SCAPER: variants seen among roughly 807,000 people sequenced by gnomAD.
SCAPER encodes the protein S phase cyclin A-associated protein in the endoplasmic reticulum.
A neutral mutation model predicts 182.2 loss-of-function variants in SCAPER; 98 were observed. The observed-to-expected ratio is 0.54, with a 90% CI of 0.46 to 0.64. SCAPER has a LOEUF of 0.64. Ranked by LOEUF, SCAPER falls within the 30% of genes least tolerant of loss-of-function variation. The pLI, the probability that SCAPER is intolerant of heterozygous loss-of-function variation, is 0.00. For missense variants in SCAPER, 1,432 were observed against 1,690.0 expected (o/e 0.85, Z 2.68); for synonymous variants, 605 against 564.6 (o/e 1.07, Z -1.01).
At chr15:76,609,506 A>C (rs914115126) in intron 22 of SCAPER, among the ~76,000 whole-genome samples, 1 of 152,128 alleles carries the variant, frequency 6.6e-6, no homozygotes, top group African/African-American at 2.4e-5. Context: ...CACTTAAAAA[A>C]AAAATTATCT....
At chr15:76,644,001 T>C (rs1806941068) in intron 21 of SCAPER, among the ~76,000 whole-genome samples, 1 of 152,210 alleles carries the variant, frequency 6.6e-6, no homozygotes, top group African/African-American at 2.4e-5. Context: ...CCATGTTTCA[T>C]GATTTGATTC....
At chr15:76,521,402 C>T (rs1037907673) in intron 23 of SCAPER, among the ~76,000 whole-genome samples, 2 of 151,226 alleles carry the variant, frequency 1.3e-5, no homozygotes, top group Admixed American at 1.3e-4. Context: ...AAAAAAAAAC[C>T]CCAAATAATT....
intron 23 of SCAPER, among the ~76,000 whole-genome samples, chr15:76,552,598 G>A (rs2144978114): frequency 6.6e-6 from 1 of 152,240 alleles, no homozygotes; most frequent in East Asian, 1.9e-4. Flanking sequence ...CTAGCTGCAG[G>A]AGAACTCATG....
intron 4 of SCAPER, among the ~76,000 whole-genome samples, chr15:76,848,981 A>G (rs947534981): frequency 6.6e-6 from 1 of 152,196 alleles, no homozygotes; most frequent in Non-Finnish European, 1.5e-5. Context: ...GGCATACGAC[A>G]GCCCCTTGGC....
chr15:76,473,953 A>G (rs1001926735), intron 24 of SCAPER, among the ~76,000 whole-genome samples: 2 of 152,058 alleles, frequency 1.3e-5, no homozygotes, highest in Non-Finnish European at 2.9e-5. Flanking sequence ...CAAGGATTAC[A>G]CGCGTGTGCC....
At chr15:76,362,416 T>A (rs558891964) in intron 29 of SCAPER, among the ~76,000 whole-genome samples, 1,618 of 114,392 alleles carry the variant, frequency 0.014, 38 homozygotes, top group African/African-American at 0.057. Flanking sequence ...TTGCTCCCTC[T>A]TTTTTTTTTT....
At chr15:76,507,301 G>C (rs1222853484) in intron 23 of SCAPER, among the ~76,000 whole-genome samples, 8 of 152,120 alleles carry the variant, frequency 5.3e-5, no homozygotes, top group Non-Finnish European at 1.2e-4. Flanking sequence ...GCCAAGGAGA[G>C]AGGTGTCAGG....
At chr15:76,595,439 G>C (rs1181122086) in intron 22 of SCAPER, among the ~76,000 whole-genome samples, 1 of 121,624 alleles carries the variant, frequency 8.2e-6, no homozygotes, top group African/African-American at 2.5e-5. Context: ...TTCAGGACTT[G>C]AACTTGGCTC....
intron 22 of SCAPER, among the ~76,000 whole-genome samples, chr15:76,583,809 C>T (rs1002255161): frequency 1.3e-5 from 2 of 152,180 alleles, no homozygotes; most frequent in Non-Finnish European, 2.9e-5. Context: ...CCCTCATGCA[C>T]TGTTGGTGGG....
rs60823353 is a variant in SCAPER at position 76,394,860 on chromosome 15, C to T, written c.3467+9664G>A. On this transcript the variant is annotated intron_variant, in intron 27 of 31. Coordinates refer to ENST00000563290, the MANE Select transcript of SCAPER (RefSeq NM_020843.4). ...GTGTTACAAACTATCCAATTATATT[C>T]TTTTAGTTATTTTAAAATGTACAAT... 2.6e-5 allele frequency among the ~76,000 whole-genome samples: 4 copies of T among 152,242 alleles called. No homozygotes were observed. In the East Asian group the frequency reaches 7.7e-4, roughly 29 times the overall value.
chr15:76,521,431 C>T (rs1385392053), intron 23 of SCAPER, among the ~76,000 whole-genome samples: 1 of 151,664 alleles, frequency 6.6e-6, no homozygotes, highest in East Asian at 1.9e-4. Context: ...GACTGTAATC[C>T]CAGCACTTTG....
At chr15:76,665,053 A>C (rs1317017629) in intron 21 of SCAPER, among the ~76,000 whole-genome samples, 1 of 152,208 alleles carries the variant, frequency 6.6e-6, no homozygotes, top group African/African-American at 2.4e-5. Context: ...AAGCAGAGCT[A>C]TCTCTGTGTC....
chr15:76,661,431 C>T (rs2056154823), intron 21 of SCAPER, among the ~76,000 whole-genome samples: 1 of 152,120 alleles, frequency 6.6e-6, no homozygotes, highest in Non-Finnish European at 1.5e-5. Flanking sequence ...ATCTACCCAT[C>T]TGACAAAGGT....
intron 23 of SCAPER, among the ~76,000 whole-genome samples, chr15:76,518,604 T>A (rs1383612067): frequency 1.3e-5 from 2 of 152,138 alleles, no homozygotes; most frequent in African/African-American, 2.4e-5. Flanking sequence ...GACCCTCCTG[T>A]TCTCTAGCAC....
At chr15:76,368,757 C>CG (rs2041967128) in intron 29 of SCAPER, among the ~76,000 whole-genome samples, 1 of 152,140 alleles carries the variant, frequency 6.6e-6, no homozygotes, top group African/African-American at 2.4e-5. Flanking sequence ...AAGCCAGTTG[C>CG]TAAACAAAAT....
chr15:76,628,339 T>C (rs1156911619), intron 21 of SCAPER, among the ~76,000 whole-genome samples: 1 of 152,244 alleles, frequency 6.6e-6, no homozygotes, highest in Non-Finnish European at 1.5e-5. Flanking sequence ...AATTTCATCA[T>C]GAAATCTTTG....
chr15:76,553,970 T>C (rs913156028), intron 23 of SCAPER, among the ~76,000 whole-genome samples: 1 of 152,168 alleles, frequency 6.6e-6, no homozygotes, highest in African/African-American at 2.4e-5. Flanking sequence ...CAATGTTTTT[T>C]GACCAGGCTC....
intron 21 of SCAPER, among the ~76,000 whole-genome samples, chr15:76,637,892 G>A (rs187307673): frequency 6.6e-6 from 1 of 151,534 alleles, no homozygotes; most frequent in East Asian, 1.9e-4. Context: ...ATTAGACTGA[G>A]TGTCTTTTCA....
chr15:76,700,091 C>T (rs1427599393), intron 20 of SCAPER, among the ~76,000 whole-genome samples: 3 of 152,164 alleles, frequency 2.0e-5, no homozygotes, highest in African/African-American at 4.8e-5. Flanking sequence ...CATCCAAGTC[C>T]GCACTGCAAG....
Sources: gnomAD v4.1 joint callset for allele counts (sites outside exome capture counted in the v4.1 genomes callset) on GRCh38, gnomAD v4.1.1 for gene constraint, MANE v1.5 for transcripts, NCBI Gene and HGNC (gene_info 2026-07-23, HGNC 2026-07-21) for gene names.